The following CSMD1 variants were observed in gnomAD, a reference collection of about 807,000 sequenced individuals.
CSMD1 encodes CUB and Sushi multiple domains 1.
Under a neutral mutation model 417.5 loss-of-function variants are expected in CSMD1, and 213 were observed. The observed-to-expected ratio is 0.51, with a 90% CI of 0.46 to 0.57. CSMD1 has a LOEUF of 0.57. Ranked by LOEUF, CSMD1 falls within the 20% of genes least tolerant of loss-of-function variation. The probability of loss-of-function intolerance (pLI) is 0.00; values close to 1 mark genes in which losing one functional copy is unlikely to be tolerated. For missense variants in CSMD1, 6,923 were observed against 4,529.7 expected (o/e 1.53, Z -15.17); for synonymous variants, 2,862 against 1,736.8 (o/e 1.65, Z -16.11).
intron 11 of CSMD1, among the ~76,000 whole-genome samples, chr8:3,481,526 C>T (rs1817749816): frequency 6.6e-6 from 1 of 152,166 alleles, no homozygotes; most frequent in East Asian, 1.9e-4. Context: ...TCCAATCCTG[C>T]TCTCACTCTA....
chr8:4,886,223 TCAAG>T (rs1206641962), intron 1 of CSMD1, among the ~76,000 whole-genome samples: 7 of 152,064 alleles, frequency 4.6e-5, no homozygotes, highest in African/African-American at 1.7e-4. Context: ...ACTCCTGACC[TCAAG>T]CAAACCACTG....
intron 5 of CSMD1, among the ~76,000 whole-genome samples, chr8:3,929,815 C>G (rs995072421): frequency 4.7e-5 from 7 of 149,454 alleles, no homozygotes; most frequent in South Asian, 2.2e-4. Flanking sequence ...GCACATGCCA[C>G]CATGCCTGGC....
intron 6 of CSMD1, among the ~76,000 whole-genome samples, chr8:3,717,045 G>C (rs1001376586): frequency 6.6e-6 from 1 of 152,114 alleles, no homozygotes; most frequent in Non-Finnish European, 1.5e-5. Context: ...GGTAGAAGCA[G>C]GGTTTGCTGT....
At chr8:3,555,222 C>T (rs1369349497) in intron 10 of CSMD1, among the ~76,000 whole-genome samples, 3 of 151,858 alleles carry the variant, frequency 2.0e-5, no homozygotes, top group African/African-American at 7.3e-5. Context: ...CTTTTGTGAG[C>T]AGTGCTTGTG....
chr8:3,791,817 A>G (rs761837570), intron 5 of CSMD1, among the ~76,000 whole-genome samples: 5 of 147,020 alleles, frequency 3.4e-5, no homozygotes, highest in African/African-American at 5.2e-5. Context: ...AATAAGACTC[A>G]GTATCAAATA....
At chr8:4,171,180 T>C (rs1348625453) in intron 3 of CSMD1, among the ~76,000 whole-genome samples, 1 of 151,854 alleles carries the variant, frequency 6.6e-6, no homozygotes, top group African/African-American at 2.4e-5. Context: ...CTGGATCAAA[T>C]ATCCATCACC....
chr8:3,614,320 G>C (rs538471690), intron 8 of CSMD1, among the ~76,000 whole-genome samples: 1 of 151,804 alleles, frequency 6.6e-6, no homozygotes, highest in African/African-American at 2.4e-5. Flanking sequence ...CGGGCTATAC[G>C]TCTGCACAAC....
intron 1 of CSMD1, among the ~76,000 whole-genome samples, chr8:4,946,008 C>T (rs561727457): frequency 1.4e-4 from 22 of 152,274 alleles, no homozygotes; most frequent in Non-Finnish European, 2.9e-4. Context: ...TAATAAGAAC[C>T]AGTGGGCTCT....
chr8:4,334,996 C>T (rs1056352500), intron 3 of CSMD1, among the ~76,000 whole-genome samples: 15 of 152,042 alleles, frequency 9.9e-5, no homozygotes, highest in African/African-American at 3.6e-4. Context: ...CTTTAAGCTC[C>T]GTTGCCTAAG....
At position 3,816,203 on chromosome 8, in the gene CSMD1, G is replaced by T. The variant is rs112864353; in HGVS notation, c.819-62161C>A. Among the ~76,000 whole-genome samples, 792 of 152,198 alleles carry T rather than the reference G, an allele frequency of 5.2e-3. 5 individuals are homozygous for T. The highest frequency in any genetic ancestry group is 0.022 in the South Asian group (106 of 4,814). Reference sequence around the variant, plus strand: ...TGCTCTCTGCATCTGGGAGAATCACGACTTTTCAGACAGAAGGGCACGTGT... The same window carrying T: ...TGCTCTCTGCATCTGGGAGAATCACTACTTTTCAGACAGAAGGGCACGTGT... On this transcript the variant is annotated intron_variant, in intron 5 of 69. Coordinates refer to ENST00000635120, the MANE Select transcript of CSMD1 (RefSeq NM_033225.6).
chr8:3,353,537 C>A (rs182439316), intron 21 of CSMD1, among the ~76,000 whole-genome samples: 15 of 152,248 alleles, frequency 9.9e-5, no homozygotes, highest in Admixed American at 9.8e-4. Flanking sequence ...ACTGCGAGAG[C>A]GCTCCAGACC....
intron 5 of CSMD1, among the ~76,000 whole-genome samples, chr8:3,943,943 G>A (rs143732495): frequency 6.6e-5 from 10 of 152,204 alleles, no homozygotes; most frequent in Non-Finnish European, 5.9e-5. Flanking sequence ...ATGGTGGAAT[G>A]TTAGGTAAAA....
intron 2 of CSMD1, among the ~76,000 whole-genome samples, chr8:4,443,316 T>C (rs967800085): frequency 3.9e-5 from 6 of 152,180 alleles, no homozygotes; most frequent in Non-Finnish European, 4.4e-5. Flanking sequence ...ACTTAACTTA[T>C]TTTAGAGAAA....
At chr8:3,935,277 G>A (rs779819919) in intron 5 of CSMD1, among the ~76,000 whole-genome samples, 7 of 152,148 alleles carry the variant, frequency 4.6e-5, no homozygotes, top group Non-Finnish European at 8.8e-5. Context: ...AATTTTCATA[G>A]ATACTGTATT....
chr8:4,936,304 G>A (rs963386603), intron 1 of CSMD1, among the ~76,000 whole-genome samples: 2 of 152,156 alleles, frequency 1.3e-5, no homozygotes, highest in Admixed American at 6.5e-5. Flanking sequence ...GTGTGCATGG[G>A]ATTGTGAATA....
At chr8:4,485,504 T>C (rs1801330001) in intron 2 of CSMD1, among the ~76,000 whole-genome samples, 8 of 152,200 alleles carry the variant, frequency 5.3e-5, no homozygotes. Context: ...CTTCAGTTCC[T>C]GATCTTACCA....
intron 3 of CSMD1, among the ~76,000 whole-genome samples, chr8:4,406,168 A>G (rs1805004310): frequency 6.6e-6 from 1 of 152,158 alleles, no homozygotes; most frequent in African/African-American, 2.4e-5. Context: ...TAGAATTTAG[A>G]TATGCTGAGT....
chr8:3,640,543 A>C (rs890204992), intron 7 of CSMD1, among the ~76,000 whole-genome samples: 2 of 152,114 alleles, frequency 1.3e-5, no homozygotes, highest in Non-Finnish European at 2.9e-5. Context: ...GCATAAACTC[A>C]TTTTTTTCCA....
rs150488213 is a variant in CSMD1 at position 3,469,458 on chromosome 8, C to A, written c.1449-634G>T. On this transcript the variant is annotated intron_variant, in intron 11 of 69. Coordinates refer to ENST00000635120, the MANE Select transcript of CSMD1 (RefSeq NM_033225.6). ...CCGCATATTAATGTCTGGGTCACAC[C>A]AAATGTGAGTTTCAATGAAGCATTC... Among the ~76,000 whole-genome samples the A allele has an allele frequency of 2.0e-5, 3 of 152,212 alleles. No homozygotes were observed. The East Asian group carries it at 5.8e-4, about 29-fold the overall frequency.
Sources: allele counts gnomAD v4.1 joint callset (sites outside exome capture counted in the v4.1 genomes callset), GRCh38; gene constraint gnomAD v4.1.1; transcripts MANE v1.5; gene names NCBI Gene and HGNC (gene_info 2026-07-23, HGNC 2026-07-21).